Variants in MARF1 observed in about 807,000 individuals in gnomAD.
The protein encoded by MARF1 is meiosis regulator and mRNA stability factor 1.
Under a neutral mutation model 168.2 loss-of-function variants are expected in MARF1, and 24 were observed. The ratio of observed to expected loss-of-function variants is 0.14; its 90% CI spans 0.10 to 0.20. The LOEUF (loss-of-function observed/expected upper bound fraction) is 0.20, where lower values mean the gene tolerates loss of function less well. MARF1 is among the 10% of genes least tolerant of loss of function. The probability of loss-of-function intolerance (pLI) is 1.00; values close to 1 mark genes in which losing one functional copy is unlikely to be tolerated. For missense variants in MARF1, 1,744 were observed against 2,143.6 expected (o/e 0.81, Z 3.68); for synonymous variants, 868 against 822.4 (o/e 1.06, Z -0.95).
chr16:15,639,078 G>C lies in MARF1; in HGVS notation c.144+12C>G, dbSNP rs2035779913. 6.2e-7 allele frequency: 1 copy of C among 1,612,062 alleles called. No homozygotes were observed. On this transcript the variant is annotated intron_variant, in intron 2 of 26. Transcript: ENST00000396368. Reference sequence around the variant, plus strand: ...AGGAATCTGCTACATCCTTAGTCTTGCATATAGTTACCGTTTGGGGACTAT... The same window carrying C: ...AGGAATCTGCTACATCCTTAGTCTTCCATATAGTTACCGTTTGGGGACTAT...
At chr16:15,611,154 G>A (rs371315846) in intron 18 of MARF1, 46 bp from the exon 19 acceptor site, 36 of 1,592,002 alleles carry the variant, frequency 2.3e-5, no homozygotes, top group African/African-American at 8.1e-5. Context: ...TAGTATCATC[G>A]GTAGAAGAAC....
intron 12 of MARF1, among the ~76,000 whole-genome samples, chr16:15,621,006 C>T (rs2034414396): frequency 6.6e-6 from 1 of 152,088 alleles, no homozygotes; most frequent in Non-Finnish European, 1.5e-5. Flanking sequence ...GGCTTTGGGC[C>T]ATAGGCCTGT....
At chr16:15,599,471 C>T (rs2032176704) in intron 25 of MARF1, among the ~76,000 whole-genome samples, 1 of 152,182 alleles carries the variant, frequency 6.6e-6, no homozygotes, top group African/African-American at 2.4e-5. Flanking sequence ...CTCCGCTGCA[C>T]AACGGAGGTC....
chr16:15,604,706 A>G (rs926595331), intron 21 of MARF1, among the ~76,000 whole-genome samples: 10 of 152,130 alleles, frequency 6.6e-5, no homozygotes, highest in Non-Finnish European at 8.8e-5. Flanking sequence ...CCACTATAAG[A>G]AGGACACAGA....
intron 20 of MARF1, among the ~76,000 whole-genome samples, chr16:15,609,152 A>T (rs2151087596): frequency 6.6e-6 from 1 of 152,308 alleles, no homozygotes; most frequent in Non-Finnish European, 1.5e-5. Flanking sequence ...AGGCAAGTGA[A>T]CTGCTTGAAC....
At chr16:15,620,650 T>A (rs565795603) in intron 12 of MARF1, 119 bp from the exon 13 acceptor site, 6 of 629,392 alleles carry the variant, frequency 9.5e-6, no homozygotes, top group Non-Finnish European at 1.6e-5. Context: ...ATTTCTGGTA[T>A]GTCAGAATGT....
At chr16:15,625,883 C>G in intron 7 of MARF1, 83 bp from the exon 8 acceptor site, 1 of 1,089,866 alleles carries the variant, frequency 9.2e-7, no homozygotes, top group Non-Finnish European at 1.3e-6. Flanking sequence ...GGGTGACCTC[C>G]AAACTTCAGT....
Position 15,634,879 on chromosome 16 carries a change from G to A in MARF1, c.884C>T (p.Pro295Leu). 1.9e-6 allele frequency: 3 copies of A among 1,614,036 alleles called. No individual in the cohort carries two copies. The highest frequency in any genetic ancestry group is 2.5e-6 in the Non-Finnish European group (3 of 1,179,936). Residue 295 changes from proline to leucine, a missense_variant, in exon 4 of 27, where the codon CCT becomes CTT. Transcript: ENST00000396368. ...AAGAGGTGCAGGTTGAGTATTTGGAGGTGGTATATTTGGCCAGACTTTAGC... is the reference window on the plus strand; with the variant it reads ...AAGAGGTGCAGGTTGAGTATTTGGAAGTGGTATATTTGGCCAGACTTTAGC... The part of the protein sequence containing the change: ...DAAKVWPNIP[P>L]PNTQPAPLAV...
chr16:15,636,403 C>T lies in MARF1; in HGVS notation c.145-61G>A. On this transcript the variant is annotated intron_variant, in intron 2 of 26. Coordinates refer to ENST00000396368, the MANE Select transcript of MARF1 (RefSeq NM_014647.4). ...TGAGGTCCGTGGTTTTTTGGTTACT[C>T]ATATCTTACTGCATGCACAAACAGA... The T allele has an allele frequency of 2.4e-6, 3 of 1,241,608 alleles. No homozygotes were observed. In the South Asian group the frequency reaches 4.5e-5, roughly 19 times the overall value. The allele number at this position is 1,241,608 out of a possible 1,614,324, so 76.9% of individuals were successfully genotyped here.
At chr16:15,597,709 A>G (rs2031885823) in intron 26 of MARF1, among the ~76,000 whole-genome samples, 1 of 152,240 alleles carries the variant, frequency 6.6e-6, no homozygotes, top group Non-Finnish European at 1.5e-5. Context: ...AGCGGCTGAC[A>G]GAACTGCCCA....
chr16:15,616,337 T>C (rs2034041001), intron 15 of MARF1, among the ~76,000 whole-genome samples: 1 of 152,212 alleles, frequency 6.6e-6, no homozygotes, highest in Non-Finnish European at 1.5e-5. Flanking sequence ...GTGTTAAGTC[T>C]ACTGTTGTGG....
rs577681593 is a variant in MARF1 at position 15,619,380 on chromosome 16, C to G, written c.2720+1071G>C. Among the ~76,000 whole-genome samples, 3 of 152,362 alleles carry G rather than the reference C, an allele frequency of 2.0e-5. No individual in the cohort carries two copies. The South Asian group carries it at 6.2e-4, about 32-fold the overall frequency. ...ACATCGAGTTCTGTCCCAACAGTAT[C>G]TGCTCTGAATTTGGACTGATGTAGC... On this transcript the variant is annotated intron_variant, in intron 13 of 26. Coordinates refer to ENST00000396368, the MANE Select transcript of MARF1 (RefSeq NM_014647.4).
Position 15,625,014 on chromosome 16 carries a change from A to C in MARF1, c.2111+2T>G. ...GCTATGAGAAAGAGTAGTTTCACAT[A>C]CTTCTGACTGGTTTTGTAAACGGGT... On this transcript the variant is annotated splice_donor_variant, in intron 9 of 26. Transcript: ENST00000396368. LOFTEE classifies it high-confidence loss of function. 1 of 1,614,074 alleles carries C rather than the reference A, an allele frequency of 6.2e-7. No homozygotes were observed. The highest frequency in any genetic ancestry group is 8.5e-7 in the Non-Finnish European group (1 of 1,179,974).
Position 15,596,664 on chromosome 16 carries a change from C to T in MARF1, c.*29G>A, listed in dbSNP as rs371099293. ...GTGTGCAGAATCAGACAGTGTTTTC[C>T]CATCCTAATTCTATATTCCAAATGG... On this transcript the variant is annotated 3_prime_UTR_variant, in exon 27 of 27. Transcript: ENST00000396368. The T allele has an allele frequency of 3.6e-5, 56 of 1,539,714 alleles. No homozygotes were observed. The highest frequency in any genetic ancestry group is 4.6e-5 in the Non-Finnish European group (52 of 1,139,516).
chr16:15,604,296 T>G lies in MARF1; in HGVS notation c.4285A>C (p.Thr1429Pro), dbSNP rs1323488107. The change falls in exon 22 of 27, where the codon ACC becomes CCC. Residue 1429 changes from threonine (T) to proline (P), a missense_variant. Physicochemically the swap from Thr to Pro is conservative, Grantham distance 38. Coordinates refer to ENST00000396368, the MANE Select transcript of MARF1 (RefSeq NM_014647.4). Reference protein sequence around the residue: ...LLVLLMSWEGTTHLSVEELKR... With the variant: ...LLVLLMSWEGPTHLSVEELKR... ...AGCTCCTCAACAGAAAGATGGGTGG[T>G]TCCTTCCCAAGACATCAACAATACC... The G allele has an allele frequency of 6.2e-7, 1 of 1,613,938 alleles. No homozygotes were observed. The highest frequency in any genetic ancestry group is 1.3e-5 in the African/African-American group (1 of 74,900).
intron 10 of MARF1, among the ~76,000 whole-genome samples, chr16:15,624,377 G>A (rs1394987091): frequency 6.6e-6 from 1 of 152,132 alleles, no homozygotes; most frequent in African/African-American, 2.4e-5. Context: ...TAATTACCAT[G>A]GTTTACAGAA....
intron 25 of MARF1, 139 bp from the exon 26 acceptor site, chr16:15,599,163 AAAAAAAAAAAAAC>A (rs2032126206): frequency 1.3e-6 from 1 of 790,302 alleles, no homozygotes; most frequent in Admixed American, 2.8e-5. Context: ...TTAAAAAAAA[AAAAAAAAAAAAAC>A]AAAAACCCAA....
intron 17 of MARF1, 74 bp downstream of exon 17, chr16:15,612,483 T>C: frequency 7.7e-7 from 1 of 1,303,794 alleles, no homozygotes; most frequent in Non-Finnish European, 1.1e-6. Flanking sequence ...TTAAACTGTT[T>C]CTTTGATGGA....
Position 15,596,603 on chromosome 16 carries a change from GAC to G in MARF1, c.*88_*89del. On this transcript the variant is annotated 3_prime_UTR_variant, in exon 27 of 27. Coordinates refer to ENST00000396368, the MANE Select transcript of MARF1 (RefSeq NM_014647.4). ...GTCAATGGCTTCGGGGGGTTTTCAT[GAC>G]ACAGAAAAGGATGTATTTTTGAAAC... The G allele has an allele frequency of 7.3e-7, 1 of 1,360,554 alleles. No individual in the cohort carries two copies. Among genetic ancestry groups the G allele is most frequent in the Admixed American group, 2.6e-5 (1 of 39,060 alleles). The allele number at this position is 1,360,554 out of a possible 1,614,324, so 84.3% of individuals were successfully genotyped here. A position where few individuals can be genotyped will look rare whatever the true frequency, so the allele number is the denominator to read the frequency against.
Sources: gnomAD v4.1 joint callset for allele counts (sites outside exome capture counted in the v4.1 genomes callset) on GRCh38, gnomAD v4.1.1 for gene constraint, MANE v1.5 for transcripts, NCBI Gene and HGNC (gene_info 2026-07-23, HGNC 2026-07-21) for gene names.